USP34: variants seen among roughly 807,000 people sequenced by gnomAD.
USP34 encodes the protein ubiquitin specific peptidase 34.
USP34 carries 70 observed loss-of-function variants against 460.3 expected under a neutral mutation model. The observed-to-expected ratio is 0.15, with a 90% CI of 0.13 to 0.19. The LOEUF is 0.19. USP34 is among the 10% of genes least tolerant of loss of function. USP34 has a pLI of 1.00. For synonymous variants in USP34, 1,647 were observed against 1,405.3 expected, an observed-to-expected ratio of 1.17 and a Z score of -3.85; for missense variants, 3,985 against 4,236.2, an observed-to-expected ratio of 0.94 and a Z score of 1.65.
At chr2:61,287,762 T>A (rs551350950) in intron 34 of USP34, among the ~76,000 whole-genome samples, 7 of 152,224 alleles carry the variant, frequency 4.6e-5, no homozygotes, top group Non-Finnish European at 8.8e-5. Flanking sequence ...TTGGTAAGGC[T>A]TCTGGTTAAT....
intron 53 of USP34, among the ~76,000 whole-genome samples, chr2:61,239,606 TC>T (rs1203206419): frequency 1.3e-5 from 2 of 152,148 alleles, no homozygotes; most frequent in Non-Finnish European, 2.9e-5. Flanking sequence ...TAGCTTCAAA[TC>T]TAATGAAGCC....
Position 61,214,312 on chromosome 2 carries a change from A to C in USP34, c.8430T>G (p.Ala2810=). Residue 2810 remains alanine, a synonymous_variant, in exon 68 of 80, where the codon GCT becomes GCG. Coordinates refer to ENST00000398571, the MANE Select transcript of USP34 (RefSeq NM_014709.4). ...ALLSFWYNVC[A]DCPENIRLIV... ...TAAGGCGGATATTCTCTGGACAGTC[A>C]GCACAGACATTGTACCAAAATGAAA... The C allele has an allele frequency of 2.5e-6, 4 of 1,614,270 alleles. No homozygotes were observed. Among genetic ancestry groups the C allele is most frequent in the Non-Finnish European group, 2.5e-6 (3 of 1,180,046 alleles).
intron 48 of USP34, among the ~76,000 whole-genome samples, chr2:61,252,623 A>C (rs999793554): frequency 3.3e-5 from 5 of 152,248 alleles, no homozygotes; most frequent in African/African-American, 9.6e-5. Flanking sequence ...TTAGGGAAAC[A>C]AGGAATGAAA....
At chr2:61,282,697 A>G (rs1177256727) in intron 37 of USP34, among the ~76,000 whole-genome samples, 1 of 152,096 alleles carries the variant, frequency 6.6e-6, no homozygotes, top group Non-Finnish European at 1.5e-5. Flanking sequence ...GGCTGAAGCC[A>G]GAGGATCGCT....
chr2:61,298,911 T>G (rs918242031), intron 29 of USP34, among the ~76,000 whole-genome samples: 1 of 151,994 alleles, frequency 6.6e-6, no homozygotes, highest in African/African-American at 2.4e-5. Flanking sequence ...TTGAGGAAAA[T>G]CTGTAATGCT....
rs1687056290 is a variant in USP34 at position 61,204,337 on chromosome 2, T to G, written c.9303A>C (p.Leu3101=). 6.2e-7 allele frequency: 1 copy of G among 1,614,048 alleles called. No individual in the cohort carries two copies. The highest frequency in any genetic ancestry group is 1.1e-5 in the South Asian group (1 of 91,090). ...PYFPCRENIK[L]IGGKSNIRPP... is the part of the protein sequence containing the mutation. ...GCCGAATATTGCTTTTCCCTCCTAT[T>G]AGCTTGATATTTTCTCGACAAGGGA... Residue 3101 remains leucine, a synonymous_variant, in exon 74 of 80, where the codon CTA becomes CTC. Transcript: ENST00000398571.
At chr2:61,325,222 C>A (rs1228496871) in intron 21 of USP34, among the ~76,000 whole-genome samples, 153 bp downstream of exon 21, 1 of 143,342 alleles carries the variant, frequency 7.0e-6, no homozygotes, top group Non-Finnish European at 1.5e-5. Context: ...GGATTTGTTA[C>A]AATACCCTGT....
In USP34 at chr2:61,276,748, T is replaced by C. The variant is rs371751974; in HGVS notation, c.5433+1417A>G. On this transcript the variant is annotated intron_variant, in intron 41 of 79. Coordinates refer to ENST00000398571, the MANE Select transcript of USP34 (RefSeq NM_014709.4). ...ATCAAATCATTTCCAGTGAGTCTAA[T>C]GGAAAAGGCAAAAAACCTGAAAGAA... 2.6e-5 allele frequency among the ~76,000 whole-genome samples: 4 copies of C among 152,264 alleles called. No homozygotes were observed. The East Asian group carries it at 7.7e-4, about 29-fold the overall frequency.
chr2:61,270,220 G>C (rs1474655151), intron 41 of USP34, among the ~76,000 whole-genome samples: 1 of 152,170 alleles, frequency 6.6e-6, no homozygotes, highest in Non-Finnish European at 1.5e-5. Flanking sequence ...TATCAACGAA[G>C]CAGTAGAGAG....
At chr2:61,193,138 G>T in intron 75 of USP34, 158 bp from the exon 76 acceptor site, 1 of 589,174 alleles carries the variant, frequency 1.7e-6, no homozygotes, top group Non-Finnish European at 3.0e-6. Context: ...CCAATGTTTA[G>T]TGAAATATCT....
At chr2:61,281,699 A>T (rs2103957889) in intron 37 of USP34, among the ~76,000 whole-genome samples, 1 of 152,336 alleles carries the variant, frequency 6.6e-6, no homozygotes, top group East Asian at 1.9e-4. Context: ...GGTATACCAT[A>T]ATATATAAAT....
chr2:61,348,978 A>G (rs1691856455), intron 13 of USP34, 92 bp from the exon 14 acceptor site: 1 of 1,403,156 alleles, frequency 7.1e-7, no homozygotes, highest in Non-Finnish European at 9.5e-7. Context: ...TGACCTAGTT[A>G]CCAAAGCTTT....
In USP34 at chr2:61,293,570, T is replaced by C; in HGVS notation, c.4462-20A>G. The stretch of plus-strand genomic sequence containing the variant: ...AACAAACTGTAGGCAATTGTGAAAG[T>C]AATAGTAAGAGAAAAGCAGATATAT... On this transcript the variant is annotated intron_variant, in intron 32 of 79. Coordinates refer to ENST00000398571, the MANE Select transcript of USP34 (RefSeq NM_014709.4). 3.1e-6 allele frequency: 5 copies of C among 1,593,048 alleles called. No individual in the cohort carries two copies. Among genetic ancestry groups the C allele is most frequent in the Middle Eastern group, 1.7e-4 (1 of 6,012 alleles).
intron 8 of USP34, among the ~76,000 whole-genome samples, chr2:61,375,768 C>CAAAAAAAAAAAAAAAAAAAAAAAAAAAA (rs56304309): frequency 1.2e-5 from 1 of 80,886 alleles, no homozygotes. Flanking sequence ...GACTCTGTCT[C>CAAAAAAAAAAAAAAAAAAAAAAAAAAAA]AAAAAAAAAA....
At chr2:61,345,192 T>C (rs1691730091) in intron 15 of USP34, among the ~76,000 whole-genome samples, 1 of 151,938 alleles carries the variant, frequency 6.6e-6, no homozygotes, top group South Asian at 2.1e-4. Flanking sequence ...GAGAACCACT[T>C]GAACCCAAAA....
intron 67 of USP34, 116 bp from the exon 68 acceptor site, chr2:61,214,810 C>T (rs1170938733): frequency 4.3e-6 from 5 of 1,169,190 alleles, no homozygotes; most frequent in Non-Finnish European, 5.9e-6. Flanking sequence ...TAAAAAGGGA[C>T]ATGAACATCT....
intron 20 of USP34, among the ~76,000 whole-genome samples, chr2:61,330,328 T>C (rs1425313289): frequency 1.3e-5 from 2 of 152,174 alleles, no homozygotes; most frequent in Non-Finnish European, 2.9e-5. Context: ...GTCATCATTA[T>C]TCATGTTTGG....
At chr2:61,315,435 C>G (rs1367988486) in intron 23 of USP34, among the ~76,000 whole-genome samples, 1 of 151,696 alleles carries the variant, frequency 6.6e-6, no homozygotes, top group Non-Finnish European at 1.5e-5. Context: ...TGCAGTGGCG[C>G]AATCTTGGCT....
intron 42 of USP34, 32 bp from the exon 43 acceptor site, chr2:61,265,589 C>A (rs750586789): frequency 6.4e-7 from 1 of 1,569,792 alleles, no homozygotes. Flanking sequence ...AAAGATCCCC[C>A]CCAAACAAAC....
Sources: allele counts gnomAD v4.1 joint callset (sites outside exome capture counted in the v4.1 genomes callset), GRCh38; gene constraint gnomAD v4.1.1; transcripts MANE v1.5; gene names NCBI Gene and HGNC (gene_info 2026-07-23, HGNC 2026-07-21).